PCDHGA1: variants seen among roughly 807,000 people sequenced by gnomAD.
PCDHGA1 encodes protocadherin gamma-A1.
Under a neutral mutation model 58.0 loss-of-function variants are expected in PCDHGA1, and 32 were observed. The observed-to-expected ratio is 0.55, with a 90% CI of 0.42 to 0.74. PCDHGA1 has a LOEUF of 0.74. Ranked by LOEUF, PCDHGA1 falls within the 30% of genes least tolerant of loss-of-function variation. The pLI is 0.00. For synonymous variants in PCDHGA1, 498 were observed against 501.1 expected, an observed-to-expected ratio of 0.99 and a Z score of 0.08; for missense variants, 1,205 against 1,182.3, an observed-to-expected ratio of 1.02 and a Z score of -0.28.
intron 1 of PCDHGA1, chr5:141,410,606 G>C: frequency 1.2e-6 from 2 of 1,607,214 alleles, no homozygotes; most frequent in Non-Finnish European, 1.7e-6. Flanking sequence ...TTCACATCCT[G>C]AGACTCTGAC....
intron 1 of PCDHGA1, among the ~76,000 whole-genome samples, chr5:141,455,407 A>T (rs1273781307): frequency 1.3e-5 from 2 of 152,174 alleles, no homozygotes; most frequent in Non-Finnish European, 2.9e-5. Context: ...TTACAGAGAC[A>T]GAGGGAGCGG....
At chr5:141,412,282 C>A (rs1017660848) in intron 1 of PCDHGA1, 1 of 152,186 alleles carries the variant, frequency 6.6e-6, no homozygotes, top group African/African-American at 2.4e-5. Flanking sequence ...ACTTCAAATT[C>A]TACGTATTTC....
intron 1 of PCDHGA1, among the ~76,000 whole-genome samples, chr5:141,348,890 T>G (rs1469503351): frequency 6.6e-6 from 1 of 152,164 alleles, no homozygotes; most frequent in African/African-American, 2.4e-5. Flanking sequence ...TCTCATTTGG[T>G]AATGCATTTG....
chr5:141,371,135 C>T (rs779737022), intron 1 of PCDHGA1: 9 of 1,614,012 alleles, frequency 5.6e-6, no homozygotes, highest in Non-Finnish European at 7.6e-6. Flanking sequence ...AGGACATGTA[C>T]AGGGTCAATG....
At chr5:141,351,068 A>G in intron 1 of PCDHGA1, 3 of 1,614,100 alleles carry the variant, frequency 1.9e-6, no homozygotes, top group East Asian at 2.2e-5. Flanking sequence ...GGATGAGGGC[A>G]TTAATGCAGA....
At chr5:141,375,076 G>C in intron 1 of PCDHGA1, 1 of 1,614,010 alleles carries the variant, frequency 6.2e-7, no homozygotes, top group Non-Finnish European at 8.5e-7. Context: ...GAGACAGAGC[G>C]AAAGTCTTAA....
At chr5:141,366,687 A>C in intron 1 of PCDHGA1, 1 of 1,614,248 alleles carries the variant, frequency 6.2e-7, no homozygotes, top group Non-Finnish European at 8.5e-7. Context: ...GAGAGCTGTG[A>C]GAAAAGCGAG....
At chr5:141,351,178 A>G in intron 1 of PCDHGA1, 1 of 1,614,062 alleles carries the variant, frequency 6.2e-7, no homozygotes, top group Non-Finnish European at 8.5e-7. Context: ...TGGATTTTGA[A>G]GAGACAAGTA....
intron 1 of PCDHGA1, among the ~76,000 whole-genome samples, chr5:141,467,820 G>T (rs1278112158): frequency 6.6e-6 from 1 of 151,884 alleles, no homozygotes; most frequent in African/African-American, 2.4e-5. Flanking sequence ...CACCACACCA[G>T]GCTGATTTTT....
chr5:141,332,066 T>C lies in PCDHGA1; in HGVS notation c.1382T>C (p.Ile461Thr). The change falls in exon 1 of 4, where the codon ATT becomes ACT. Residue 461 changes from isoleucine (I) to threonine (T), a missense_variant. By Grantham distance (89) the Ile-to-Thr change is moderately conservative. Transcript: ENST00000517417. This position sits in a 1 kb window ranked among gnomAD's most constrained non-coding sequence, Gnocchi z 4.6. ...CATCAGGACTCCTACTCTGCCTACATTCCCGAAAACAACCCCAGAGGAGCC... is the reference window on the plus strand; with the variant it reads ...CATCAGGACTCCTACTCTGCCTACACTCCCGAAAACAACCCCAGAGGAGCC... The part of the protein sequence containing the change: ...VFHQDSYSAY[I>T]PENNPRGASI... 1.4e-5 allele frequency: 23 copies of C among 1,614,072 alleles called. No homozygotes were observed. Among genetic ancestry groups the C allele is most frequent in the Non-Finnish European group, 1.9e-5 (22 of 1,180,020 alleles).
Position 141,490,013 on chromosome 5 carries a change from G to A in PCDHGA1, c.2422-4794G>A. 6.2e-7 allele frequency: 1 copy of A among 1,614,206 alleles called. No individual in the cohort carries two copies. The highest frequency in any genetic ancestry group is 1.1e-5 in the South Asian group (1 of 91,088). Reference sequence around the variant, plus strand: ...GGAATCCCAGAGAATGCACCCATTGGTACTCTGCTGCTCCGCCTCAATGCC... The same window carrying A: ...GGAATCCCAGAGAATGCACCCATTGATACTCTGCTGCTCCGCCTCAATGCC... On this transcript the variant is annotated intron_variant, in intron 1 of 3. Transcript: ENST00000517417. This position sits in a 1 kb window ranked among gnomAD's most constrained non-coding sequence, Gnocchi z 5.4.
chr5:141,431,673 G>A lies in PCDHGA1; in HGVS notation c.2422-63134G>A. On this transcript the variant is annotated intron_variant, in intron 1 of 3. Coordinates refer to ENST00000517417, the MANE Select transcript of PCDHGA1 (RefSeq NM_018912.3). The surrounding 1 kb of genome is among the most constrained non-coding windows in gnomAD (Gnocchi z 4.8). ...AATTCAGGGACAATATCAACAATAG[G>A]GGAGTTGGACCACGAGGAGTCAGGA... 1 of 1,614,214 alleles carries A rather than the reference G, an allele frequency of 6.2e-7. No homozygotes were observed. The highest frequency in any genetic ancestry group is 8.5e-7 in the Non-Finnish European group (1 of 1,180,044).
chr5:141,388,527 T>C, intron 1 of PCDHGA1: 1 of 1,613,866 alleles, frequency 6.2e-7, no homozygotes, highest in Non-Finnish European at 8.5e-7. Flanking sequence ...TTTGACTGCC[T>C]TGGACTTTGG....
In PCDHGA1 at chr5:141,486,574, C is replaced by T. The variant is rs1435813800; in HGVS notation, c.2422-8233C>T. On this transcript the variant is annotated intron_variant, in intron 1 of 3. Transcript: ENST00000517417. This position sits in a 1 kb window ranked among gnomAD's most constrained non-coding sequence, Gnocchi z 5.0. ...CACATGAGGTGTTTGTTCCTGAGAACAATCGCCCAGGGGACCTGCTTTGCT... is the reference window on the plus strand; with the variant it reads ...CACATGAGGTGTTTGTTCCTGAGAATAATCGCCCAGGGGACCTGCTTTGCT... The T allele has an allele frequency of 1.9e-6, 3 of 1,613,868 alleles. No homozygotes were observed. Among genetic ancestry groups the T allele is most frequent in the Non-Finnish European group, 2.5e-6 (3 of 1,180,002 alleles).
intron 1 of PCDHGA1, chr5:141,371,090 C>A (rs764906419): frequency 8.7e-6 from 14 of 1,613,702 alleles, no homozygotes; most frequent in Non-Finnish European, 1.2e-5. Context: ...GGGTAATTGT[C>A]GCAGATGCAA....
chr5:141,330,640 T>C lies in PCDHGA1; in HGVS notation c.-45T>C. 1 of 1,524,406 alleles carries C rather than the reference T, an allele frequency of 6.6e-7. No individual in the cohort carries two copies. The highest frequency in any genetic ancestry group is 8.8e-7 in the Non-Finnish European group (1 of 1,136,434). The allele number at this position is 1,524,406 out of a possible 1,614,324, so 94.4% of individuals were successfully genotyped here. ...TTTCAGCTCAGAAAAGCAGAAACGA[T>C]ACCCTTGGTACTGGACTGGAAGAAA... On this transcript the variant is annotated 5_prime_UTR_variant, in exon 1 of 4. Transcript: ENST00000517417.
chr5:141,423,117 G>T, intron 1 of PCDHGA1: 1 of 1,613,816 alleles, frequency 6.2e-7, no homozygotes, highest in Non-Finnish European at 8.5e-7. Flanking sequence ...TGCGTACAGC[G>T]CGGGCACTGC....
At chr5:141,350,579 G>T (rs1172761775) in intron 1 of PCDHGA1, 3 of 1,614,024 alleles carry the variant, frequency 1.9e-6, no homozygotes, top group Admixed American at 1.7e-5. Flanking sequence ...CGAAACGGTC[G>T]CTGAAAACCC....
At chr5:141,447,214 A>G (rs2098530358) in intron 1 of PCDHGA1, among the ~76,000 whole-genome samples, 1 of 152,092 alleles carries the variant, frequency 6.6e-6, no homozygotes, top group Admixed American at 6.6e-5. Context: ...ATCTCGGCTC[A>G]CTGCAACCTC....
Sources: gnomAD v4.1 joint callset for allele counts (sites outside exome capture counted in the v4.1 genomes callset) on GRCh38, gnomAD v4.1.1 for gene constraint, Gnocchi (gnomAD v3.1) non-coding constraint, MANE v1.5 for transcripts, NCBI Gene and HGNC (gene_info 2026-07-23, HGNC 2026-07-21) for gene names.